WWOX: variants seen among roughly 807,000 people sequenced by gnomAD.
The protein encoded by WWOX is WW domain-containing oxidoreductase.
A neutral mutation model predicts 46.2 loss-of-function variants in WWOX; 69 were observed. That is an observed-to-expected ratio of 1.49 (90% CI 1.23 to 1.82). The LOEUF is 1.82. Ranked by LOEUF, WWOX falls within the 40% of genes most tolerant of loss-of-function variation. The pLI, the probability that WWOX is intolerant of heterozygous loss-of-function variation, is 0.00. For synonymous variants in WWOX, 359 were observed against 202.6 expected, an observed-to-expected ratio of 1.77 and a Z score of -6.56; for missense variants, 919 against 542.6, an observed-to-expected ratio of 1.69 and a Z score of -6.89.
At chr16:78,313,000 T>A (rs560694731) in intron 5 of WWOX, among the ~76,000 whole-genome samples, 1 of 152,276 alleles carries the variant, frequency 6.6e-6, no homozygotes, top group Non-Finnish European at 1.5e-5. Context: ...TGATTGTGAA[T>A]GTTTTCATTC....
intron 8 of WWOX, among the ~76,000 whole-genome samples, chr16:79,085,341 A>C (rs2048835070): frequency 6.6e-6 from 1 of 152,156 alleles, no homozygotes; most frequent in Admixed American, 6.5e-5. Flanking sequence ...GGCCAAGAAA[A>C]TGATATGAGG....
intron 5 of WWOX, among the ~76,000 whole-genome samples, chr16:78,358,997 G>A (rs1377615749): frequency 6.6e-6 from 1 of 151,202 alleles, no homozygotes; most frequent in Non-Finnish European, 1.5e-5. Context: ...CTTATTGCTG[G>A]GCACAGATTC....
chr16:78,839,335 C>T (rs1205997678), intron 8 of WWOX, among the ~76,000 whole-genome samples: 1 of 151,954 alleles, frequency 6.6e-6, no homozygotes, highest in Non-Finnish European at 1.5e-5. Flanking sequence ...TCTAACTATC[C>T]CCTGGCTTGG....
At chr16:78,413,120 A>G (rs1597193273) in intron 6 of WWOX, among the ~76,000 whole-genome samples, 1 of 152,166 alleles carries the variant, frequency 6.6e-6, no homozygotes, top group Admixed American at 6.5e-5. Flanking sequence ...GGGTACTGCA[A>G]ATAGAGAAAG....
At chr16:78,389,003 C>A (rs1016689607) in intron 6 of WWOX, among the ~76,000 whole-genome samples, 1 of 151,548 alleles carries the variant, frequency 6.6e-6, no homozygotes, top group Non-Finnish European at 1.5e-5. Context: ...CAGGCTCTTG[C>A]TGGAGTATGT....
intron 8 of WWOX, among the ~76,000 whole-genome samples, chr16:79,115,260 A>T (rs2049492715): frequency 6.6e-6 from 1 of 152,234 alleles, no homozygotes; most frequent in Non-Finnish European, 1.5e-5. Context: ...AACACAGCTC[A>T]TAGGGATGCA....
intron 5 of WWOX, chr16:78,278,682 T>C (rs1245983432): frequency 6.3e-7 from 1 of 1,590,536 alleles, no homozygotes. Flanking sequence ...ATAAAAGATC[T>C]TGAATAGTCT....
At chr16:78,980,217 A>G (rs748704712) in intron 8 of WWOX, among the ~76,000 whole-genome samples, 56 of 152,304 alleles carry the variant, frequency 3.7e-4, no homozygotes, top group Middle Eastern at 6.8e-3. Flanking sequence ...CACCTTTATA[A>G]GCATCTAGTT....
chr16:78,612,958 C>G (rs1371512846), intron 8 of WWOX, among the ~76,000 whole-genome samples: 1 of 152,108 alleles, frequency 6.6e-6, no homozygotes, highest in Non-Finnish European at 1.5e-5. Context: ...GGGTCACTAC[C>G]AACCTTGCCT....
At chr16:78,881,388 G>C (rs990955923) in intron 8 of WWOX, among the ~76,000 whole-genome samples, 8 of 152,204 alleles carry the variant, frequency 5.3e-5, no homozygotes, top group Non-Finnish European at 7.3e-5. Context: ...TTTTCTTGCA[G>C]ACCAGAACTT....
At chr16:79,149,642 G>T (rs1044112911) in intron 8 of WWOX, among the ~76,000 whole-genome samples, 10 of 152,144 alleles carry the variant, frequency 6.6e-5, no homozygotes, top group African/African-American at 2.4e-4. Flanking sequence ...TGAGCATTTA[G>T]TTTCATGTCT....
chr16:78,686,911 A>G (rs1310810407), intron 8 of WWOX, among the ~76,000 whole-genome samples: 3 of 152,230 alleles, frequency 2.0e-5, no homozygotes, highest in Non-Finnish European at 4.4e-5. Context: ...ATGAAGCCAC[A>G]TAGTAATAAA....
chr16:78,381,507 G>T (rs1419794504), intron 5 of WWOX, among the ~76,000 whole-genome samples: 2 of 152,208 alleles, frequency 1.3e-5, no homozygotes, highest in Non-Finnish European at 2.9e-5. Flanking sequence ...GAAGTTGCCT[G>T]ATGCTTCACA....
At chr16:79,161,852 T>A (rs926456322) in intron 8 of WWOX, among the ~76,000 whole-genome samples, 7 of 152,202 alleles carry the variant, frequency 4.6e-5, no homozygotes. Flanking sequence ...GCTTTTTCTG[T>A]CACCTCCCTG....
At chr16:78,613,025 C>T (rs145784951) in intron 8 of WWOX, among the ~76,000 whole-genome samples, 2 of 152,150 alleles carry the variant, frequency 1.3e-5, no homozygotes, top group East Asian at 1.9e-4. Context: ...CTCAGTACTT[C>T]TGGGTTCCCC....
intron 8 of WWOX, among the ~76,000 whole-genome samples, chr16:78,933,707 GA>G (rs1319162154): frequency 4.6e-5 from 7 of 152,138 alleles, no homozygotes; most frequent in African/African-American, 1.7e-4. Context: ...CTTGTGTAGG[GA>G]AACTCCTGTT....
chr16:78,628,971 C>G (rs569684088), intron 8 of WWOX, among the ~76,000 whole-genome samples: 3 of 152,190 alleles, frequency 2.0e-5, no homozygotes, highest in Admixed American at 6.5e-5. Context: ...TGCAGAATTA[C>G]TTTCCATTCT....
At chr16:78,522,227 C>A (rs1485833728) in intron 8 of WWOX, among the ~76,000 whole-genome samples, 2 of 150,290 alleles carry the variant, frequency 1.3e-5, no homozygotes, top group African/African-American at 4.9e-5. Context: ...AGGTTGTAGA[C>A]TCATGAAACC....
At chr16:78,851,399 G>T (rs905580375) in intron 8 of WWOX, among the ~76,000 whole-genome samples, 8 of 152,226 alleles carry the variant, frequency 5.3e-5, no homozygotes, top group Non-Finnish European at 1.0e-4. Context: ...ATAGGCAGAA[G>T]TACGGGTACT....
Sources: allele counts gnomAD v4.1 joint callset (sites outside exome capture counted in the v4.1 genomes callset), GRCh38; gene constraint gnomAD v4.1.1; transcripts MANE v1.5; gene names NCBI Gene and HGNC (gene_info 2026-07-23, HGNC 2026-07-21).